The following TARS3 variants were observed in gnomAD, a reference collection of about 807,000 sequenced individuals.
The protein encoded by TARS3 is threonyl-tRNA synthetase 3, also known as threonine--tRNA ligase 2, cytoplasmic.
Under a neutral mutation model 103.5 loss-of-function variants are expected in TARS3, and 94 were observed. The observed-to-expected ratio is 0.91, with a 90% CI of 0.77 to 1.08. The LOEUF is 1.08. Ranked by LOEUF, TARS3 falls within the 50% of genes least tolerant of loss-of-function variation. TARS3 has a pLI of 0.00. For missense variants in TARS3, 952 were observed against 995.2 expected (o/e 0.96, Z 0.58); for synonymous variants, 416 against 355.4 (o/e 1.17, Z -1.92).
intron 4 of TARS3, among the ~76,000 whole-genome samples, chr15:101,712,804 A>G (rs1899933866): frequency 6.6e-6 from 1 of 152,250 alleles, no homozygotes; most frequent in African/African-American, 2.4e-5. Context: ...ATTAAATAGA[A>G]AGCAAGTTAC....
chr15:101,721,838 T>G (rs968580137), intron 2 of TARS3, among the ~76,000 whole-genome samples: 1 of 152,192 alleles, frequency 6.6e-6, no homozygotes, highest in Non-Finnish European at 1.5e-5. Flanking sequence ...ATGCATTCAG[T>G]AGAAACTGTA....
intron 2 of TARS3, among the ~76,000 whole-genome samples, chr15:101,722,732 T>C (rs1170747541): frequency 7.0e-6 from 1 of 143,758 alleles, no homozygotes; most frequent in Admixed American, 7.1e-5. Flanking sequence ...GGCAGGAGAA[T>C]CGCTTGAACC....
At chr15:101,667,688 A>G (rs1382512756) in intron 15 of TARS3, among the ~76,000 whole-genome samples, 1 of 151,980 alleles carries the variant, frequency 6.6e-6, no homozygotes, top group African/African-American at 2.4e-5. Flanking sequence ...CTCCTGCCTC[A>G]GCCTCCCAAG....
At chr15:101,679,986 A>G (rs1464722454) in intron 12 of TARS3, among the ~76,000 whole-genome samples, 1 of 152,168 alleles carries the variant, frequency 6.6e-6, no homozygotes, top group African/African-American at 2.4e-5. Context: ...TTTCCACTAG[A>G]CGTCTTCTGA....
chr15:101,698,578 C>T (rs534050889), intron 10 of TARS3, among the ~76,000 whole-genome samples: 173 of 152,286 alleles, frequency 1.1e-3, no homozygotes, highest in Non-Finnish European at 2.2e-3. Context: ...TACTCTACCC[C>T]ACTCCTTTTT....
At position 101,684,215 on chromosome 15, in the gene TARS3, G is replaced by A. The variant is rs755326278; in HGVS notation, c.1510C>T (p.Arg504Ter). The A allele has an allele frequency of 9.3e-6, 15 of 1,613,764 alleles. No homozygotes were observed. Among genetic ancestry groups the A allele is most frequent in the Middle Eastern group, 1.6e-4 (1 of 6,062 alleles). ...GHCLMFAHRP[R>*]SWREMPIRFA... ...CTAATAGGCATTTCCCTCCAAGATC[G>A]TGGACGATGGGCAAACATTAGACTA... Residue 504 changes from arginine (R) to a stop codon, truncating the protein, a stop_gained, in exon 12 of 19, where the codon CGA becomes TGA. Transcript: ENST00000335968. LOFTEE classifies it high-confidence loss of function.
rs1438225304 is a variant in TARS3 at position 101,655,866 on chromosome 15, C to G, written c.2260+1056G>C. On this transcript the variant is annotated intron_variant, in intron 18 of 18. Transcript: ENST00000335968. The stretch of plus-strand genomic sequence containing the variant: ...GCTCACGCTGACTCCACCTGGCATA[C>G]CTGATGAGCCAAGGAGTGGACACCA... The G allele has an allele frequency of 3.1e-6, 4 of 1,282,012 alleles. No individual in the cohort carries two copies. The Admixed American group carries it at 7.0e-5, about 22-fold the overall frequency. 79.4% of individuals were successfully genotyped at this position (1,282,012 alleles called of 1,614,324 possible). A position where few individuals can be genotyped will look rare whatever the true frequency, so the allele number is the denominator to read the frequency against.
At chr15:101,713,678 C>A (rs567139015) in intron 4 of TARS3, among the ~76,000 whole-genome samples, 6 of 152,196 alleles carry the variant, frequency 3.9e-5, no homozygotes, top group Non-Finnish European at 8.8e-5. Flanking sequence ...TGGAGTAATG[C>A]ACTGACTTAG....
chr15:101,703,810 T>C (rs986868354), intron 8 of TARS3, 49 bp downstream of exon 8: 14 of 1,116,956 alleles, frequency 1.3e-5, no homozygotes, highest in Non-Finnish European at 1.9e-5. Context: ...AATCCTTTAA[T>C]AGCTAGTGCA....
At chr15:101,675,792 T>A in intron 12 of TARS3, 55 bp from the exon 13 acceptor site, 2 of 1,537,810 alleles carry the variant, frequency 1.3e-6, no homozygotes, top group Non-Finnish European at 1.8e-6. Flanking sequence ...ATTTATGTTT[T>A]AAAAAATACA....
intron 13 of TARS3, among the ~76,000 whole-genome samples, chr15:101,674,853 G>C (rs910964905): frequency 1.3e-5 from 2 of 151,982 alleles, no homozygotes; most frequent in African/African-American, 4.8e-5. Context: ...AAATTTGTGG[G>C]TTGAAGGCAT....
intron 12 of TARS3, among the ~76,000 whole-genome samples, chr15:101,683,199 TAA>T (rs1312841244): frequency 6.6e-6 from 1 of 152,220 alleles, no homozygotes; most frequent in East Asian, 1.9e-4. Flanking sequence ...AAGTAAAAGC[TAA>T]GTCATTGATT....
intron 7 of TARS3, among the ~76,000 whole-genome samples, chr15:101,704,877 G>A (rs1018694209): frequency 2.0e-5 from 3 of 151,900 alleles, no homozygotes; most frequent in South Asian, 2.1e-4. Flanking sequence ...GAAATGCACC[G>A]TGCATAGCTT....
intron 15 of TARS3, among the ~76,000 whole-genome samples, chr15:101,667,002 G>A (rs916466569): frequency 3.9e-5 from 6 of 152,188 alleles, no homozygotes; most frequent in Non-Finnish European, 8.8e-5. Flanking sequence ...CTTGATCCAT[G>A]GGCTGCAGAA....
At chr15:101,723,252 G>T in intron 1 of TARS3, 88 bp from the exon 2 acceptor site, 1 of 1,238,362 alleles carries the variant, frequency 8.1e-7, no homozygotes. Context: ...GGCTGCAAGT[G>T]CCCCGTGTTT....
Position 101,654,241 on chromosome 15 carries a change from CAG to C in TARS3, c.*339_*340del, listed in dbSNP as rs1897116436. 2 of 192,376 alleles carry C rather than the reference CAG, an allele frequency of 1.0e-5. No individual in the cohort carries two copies. Among genetic ancestry groups the C allele is most frequent in the South Asian group, 1.7e-4 (1 of 5,820 alleles). The allele number at this position is 192,376 out of a possible 1,614,324, so 11.9% of individuals were successfully genotyped here. A position where few individuals can be genotyped will look rare whatever the true frequency, so the allele number is the denominator to read the frequency against. ...TCCCTCCTATTTAAAAAAAACTCTGCAGACTTTTATTTGAAGCCCATCTTTTG... is the reference window on the plus strand; with the variant it reads ...TCCCTCCTATTTAAAAAAAACTCTGCACTTTTATTTGAAGCCCATCTTTTG... On this transcript the variant is annotated 3_prime_UTR_variant, in exon 19 of 19. Coordinates refer to ENST00000335968, the MANE Select transcript of TARS3 (RefSeq NM_152334.3).
In TARS3 at chr15:101,716,716, A is replaced by G. The variant is rs1331831362; in HGVS notation, c.567-1753T>C. Among the ~76,000 whole-genome samples the G allele has an allele frequency of 2.6e-5, 4 of 152,210 alleles. No homozygotes were observed. In the East Asian group the frequency reaches 5.8e-4, roughly 22 times the overall value. ...GAAAAATTCTGGAAGTACAACTGCT[A>G]GGTCAAGGGAAATGCATTTTCAGTG... On this transcript the variant is annotated intron_variant, in intron 3 of 18. Transcript: ENST00000335968.
intron 3 of TARS3, among the ~76,000 whole-genome samples, chr15:101,719,063 G>T (rs571682408): frequency 5.3e-5 from 8 of 152,294 alleles, no homozygotes; most frequent in African/African-American, 1.9e-4. Context: ...GGCCCATGGA[G>T]GATCATGGGA....
In TARS3 at chr15:101,671,772, T is replaced by C. The variant is rs771983272; in HGVS notation, c.1789-24A>G. The C allele has an allele frequency of 1.0e-5, 16 of 1,594,278 alleles. No homozygotes were observed. The Admixed American group carries it at 1.4e-4, about 13-fold the overall frequency. Reference sequence around the variant, plus strand: ...TGCTTTTTCAAAAGAAGAAAAAAGATACAATTATACACTGTATCTTTTTTT... The same window carrying C: ...TGCTTTTTCAAAAGAAGAAAAAAGACACAATTATACACTGTATCTTTTTTT... On this transcript the variant is annotated intron_variant, in intron 13 of 18. Coordinates refer to ENST00000335968, the MANE Select transcript of TARS3 (RefSeq NM_152334.3).
Sources: allele counts gnomAD v4.1 joint callset (sites outside exome capture counted in the v4.1 genomes callset), GRCh38; gene constraint gnomAD v4.1.1; transcripts MANE v1.5; gene names NCBI Gene and HGNC (gene_info 2026-07-23, HGNC 2026-07-21).